The following KIF14 variants were observed in gnomAD, a reference collection of about 807,000 sequenced individuals.
KIF14 encodes the protein kinesin family member 14.
KIF14 carries 98 observed loss-of-function variants against 176.2 expected under a neutral mutation model. The observed-to-expected ratio is 0.56, with a 90% CI of 0.47 to 0.66. KIF14 has a LOEUF of 0.66. KIF14 is among the 30% of genes least tolerant of loss of function. KIF14 has a pLI of 0.00. For synonymous variants in KIF14, 566 were observed against 632.2 expected (o/e 0.90, Z 1.57); for missense variants, 1,751 against 1,920.4 (o/e 0.91, Z 1.65).
Position 200,551,545 on chromosome 1 carries a change from T to C in KIF14, c.*1843A>G, listed in dbSNP as rs1656534356. The C allele has an allele frequency of 6.6e-6, 1 of 152,222 alleles. No homozygotes were observed. 9.4% of individuals were successfully genotyped at this position (152,222 alleles called of 1,614,324 possible). A position where few individuals can be genotyped will look rare whatever the true frequency, so the allele number is the denominator to read the frequency against. ...ATTAAAGGCATTCTCTTTATAACATTTCTTGTCAGTGCACATAATTCCAAT... is the reference window on the plus strand; with the variant it reads ...ATTAAAGGCATTCTCTTTATAACATCTCTTGTCAGTGCACATAATTCCAAT... On this transcript the variant is annotated 3_prime_UTR_variant, in exon 30 of 30. Transcript: ENST00000367350.
At position 200,569,980 on chromosome 1, in the gene KIF14, TTC is replaced by T; in HGVS notation, c.3590_3591del (p.Arg1197LysfsTer8). 1 of 1,602,012 alleles carries T rather than the reference TTC, an allele frequency of 6.2e-7. No homozygotes were observed. Among genetic ancestry groups the T allele is most frequent in the Non-Finnish European group, 8.5e-7 (1 of 1,171,382 alleles). ...ATGTCATGTAAACAACCAGAAATTCTTCTGTTCTTCATCAAACTCCTACTCCT... is the reference window on the plus strand; with the variant it reads ...ATGTCATGTAAACAACCAGAAATTCTTGTTCTTCATCAAACTCCTACTCCT... ...RRRSRSLMKN[R>X]RISGCLHDIQ... On this transcript the variant is annotated frameshift_variant, in exon 23 of 30. Transcript: ENST00000367350. LOFTEE classifies it high-confidence loss of function.
At chr1:200,610,399 A>C (rs927383909) in intron 4 of KIF14, among the ~76,000 whole-genome samples, 3 of 151,660 alleles carry the variant, frequency 2.0e-5, no homozygotes, top group African/African-American at 7.3e-5. Flanking sequence ...AGTCCCAGCT[A>C]CTCAGGAGGC....
intron 18 of KIF14, among the ~76,000 whole-genome samples, chr1:200,586,794 T>TATATATATATATATATACAC (rs1553257539): frequency 0.031 from 687 of 22,482 alleles, 1 homozygote; most frequent in Non-Finnish European, 0.045. Flanking sequence ...TACATACATA[T>TATATATATATATATATACAC]ATATATATAT....
chr1:200,605,471 C>A (rs1659834057), intron 7 of KIF14, 81 bp from the exon 8 acceptor site: 1 of 931,224 alleles, frequency 1.1e-6, no homozygotes, highest in African/African-American at 1.7e-5. Flanking sequence ...AACATATACA[C>A]ATTTGTAATT....
chr1:200,564,711 G>A (rs985540549), intron 25 of KIF14, among the ~76,000 whole-genome samples: 5 of 152,056 alleles, frequency 3.3e-5, no homozygotes, highest in African/African-American at 1.2e-4. Flanking sequence ...AGACTGCCTG[G>A]GTCCAAATCC....
chr1:200,608,357 C>T (rs959001596), intron 5 of KIF14, among the ~76,000 whole-genome samples: 4 of 143,716 alleles, frequency 2.8e-5, no homozygotes, highest in Non-Finnish European at 4.5e-5. Flanking sequence ...GATAATGTTC[C>T]GCTTCTTTTC....
Position 200,581,761 on chromosome 1 carries a change from C to CTT in KIF14, c.3242-469_3242-468dup, listed in dbSNP as rs66935478. The stretch of plus-strand genomic sequence containing the variant: ...TAATTTAGTACACAATTTCACTTTC[C>CTT]TTTTTTTTTTTTTTTTTTTTTTTGA... On this transcript the variant is annotated intron_variant, in intron 19 of 29. Transcript: ENST00000367350. Among the ~76,000 whole-genome samples the CTT allele has an allele frequency of 2.9e-3, 238 of 82,958 alleles. 1 individual carries two copies. Among genetic ancestry groups the CTT allele is most frequent in the African/African-American group, 4.6e-3 (97 of 21,014 alleles). The allele number at this position is 82,958 out of a possible 152,430, so 54.4% of individuals were successfully genotyped here.
At chr1:200,565,365 C>A in intron 24 of KIF14, 80 bp downstream of exon 24, 1 of 1,412,774 alleles carries the variant, frequency 7.1e-7, no homozygotes, top group Non-Finnish European at 9.6e-7. Context: ...CCAGATGTGC[C>A]AAATAATCAC....
chr1:200,571,855 G>T (rs982975712), intron 22 of KIF14, among the ~76,000 whole-genome samples: 4 of 152,132 alleles, frequency 2.6e-5, no homozygotes, highest in African/African-American at 9.7e-5. Flanking sequence ...GTTAAACAAC[G>T]TTTAAACCCA....
At chr1:200,599,444 T>G (rs1659520920) in intron 13 of KIF14, among the ~76,000 whole-genome samples, 1 of 152,184 alleles carries the variant, frequency 6.6e-6, no homozygotes, top group Non-Finnish European at 1.5e-5. Flanking sequence ...TTACCCAAAC[T>G]TCAAAGCCCA....
At chr1:200,589,600 G>A (rs983834735) in intron 17 of KIF14, among the ~76,000 whole-genome samples, 1 of 151,540 alleles carries the variant, frequency 6.6e-6, no homozygotes, top group Non-Finnish European at 1.5e-5. Context: ...TGACTCAAGC[G>A]GCTAGAGGAC....
At position 200,575,117 on chromosome 1, in the gene KIF14, G is replaced by A. The variant is rs185721565; in HGVS notation, c.3566+474C>T. Reference sequence around the variant, plus strand: ...GAGTACAAGTGCCTGCTCCCACACCGGGCTAATTTTTTGTATTTTTGGTAG... The same window carrying A: ...GAGTACAAGTGCCTGCTCCCACACCAGGCTAATTTTTTGTATTTTTGGTAG... On this transcript the variant is annotated intron_variant, in intron 22 of 29. Coordinates refer to ENST00000367350, the MANE Select transcript of KIF14 (RefSeq NM_014875.3). 1.5e-4 allele frequency among the ~76,000 whole-genome samples: 22 copies of A among 151,490 alleles called. No individual in the cohort carries two copies. The East Asian group carries it at 1.6e-3, about 11-fold the overall frequency.
intron 14 of KIF14, among the ~76,000 whole-genome samples, chr1:200,597,643 C>A (rs1398378210): frequency 6.6e-6 from 1 of 151,570 alleles, no homozygotes; most frequent in African/African-American, 2.4e-5. Flanking sequence ...AAATTAGCTA[C>A]TAAAGTTGAA....
Position 200,605,286 on chromosome 1 carries a change from G to A in KIF14, c.1743C>T (p.Thr581=). The change falls in exon 8 of 30, where the codon ACC becomes ACT. Residue 581 remains threonine, a synonymous_variant. Transcript: ENST00000367350. The part of the protein sequence containing the change: ...HSVFTLVMTQ[T]KTEFVEGEEH... ...CGGGAACTTTTAAAAAAAATACCTT[G>A]GTCTGGGTCATCACCAGGGTGAAAA... 2 of 1,608,534 alleles carry A rather than the reference G, an allele frequency of 1.2e-6. No individual in the cohort carries two copies. Among genetic ancestry groups the A allele is most frequent in the Non-Finnish European group, 1.7e-6 (2 of 1,175,736 alleles).
At chr1:200,604,378 C>T (rs998149127) in intron 8 of KIF14, among the ~76,000 whole-genome samples, 13 of 152,056 alleles carry the variant, frequency 8.5e-5, no homozygotes, top group African/African-American at 2.9e-4. Flanking sequence ...TAAGATCATC[C>T]CTTCATGAAT....
At chr1:200,588,257 T>G (rs1199774579) in intron 18 of KIF14, among the ~76,000 whole-genome samples, 1 of 151,536 alleles carries the variant, frequency 6.6e-6, no homozygotes, top group Admixed American at 6.6e-5. Context: ...TGTTTTTTTT[T>G]TTTTGACAGA....
At chr1:200,608,993 G>T in intron 4 of KIF14, 65 bp from the exon 5 acceptor site, 1 of 842,002 alleles carries the variant, frequency 1.2e-6, no homozygotes, top group Non-Finnish European at 1.9e-6. Context: ...TCTGTGGTTA[G>T]GAACTAGTAT....
chr1:200,565,517 GA>G lies in KIF14; in HGVS notation c.3813del (p.Ile1274PhefsTer44). 6.2e-7 allele frequency: 1 copy of G among 1,610,192 alleles called. No homozygotes were observed. The highest frequency in any genetic ancestry group is 8.5e-7 in the Non-Finnish European group (1 of 1,179,080). Reference sequence around the variant, plus strand: ...GCAAATAGCCCATTATAAATTTTAAGAAAACTATTAATTAGGCTGTCTGCTA... The same window carrying G: ...GCAAATAGCCCATTATAAATTTTAAGAAACTATTAATTAGGCTGTCTGCTA... ...RTIADSLINS[F>X]LKIYNGLFAI... On this transcript the variant is annotated frameshift_variant, in exon 24 of 30. Coordinates refer to ENST00000367350, the MANE Select transcript of KIF14 (RefSeq NM_014875.3). LOFTEE classifies it high-confidence loss of function.
chr1:200,566,505 A>G (rs560342254), intron 23 of KIF14, among the ~76,000 whole-genome samples: 106 of 151,674 alleles, frequency 7.0e-4, no homozygotes, highest in African/African-American at 2.5e-3. Flanking sequence ...AGGCAGGAGA[A>G]TTGCTTGAAG....
Sources: allele counts gnomAD v4.1 joint callset (sites outside exome capture counted in the v4.1 genomes callset), GRCh38; gene constraint gnomAD v4.1.1; transcripts MANE v1.5; gene names NCBI Gene and HGNC (gene_info 2026-07-23, HGNC 2026-07-21).